The following ANO2 variants were observed in gnomAD, a reference collection of about 807,000 sequenced individuals.
ANO2 encodes anoctamin-2.
Under a neutral mutation model 124.2 loss-of-function variants are expected in ANO2, and 101 were observed. That is an observed-to-expected ratio of 0.81 (90% confidence interval 0.69 to 0.96). ANO2 has a LOEUF of 0.96. Among genes scored for constraint, ANO2 ranks in the 40% least tolerant of loss-of-function variants. The pLI is 0.00. For synonymous variants in ANO2, 486 were observed against 482.5 expected (o/e 1.01, Z -0.09); for missense variants, 1,293 against 1,274.5 (o/e 1.01, Z -0.22).
chr12:5,695,416 T>C (rs1212814805), intron 14 of ANO2, among the ~76,000 whole-genome samples: 1 of 138,564 alleles, frequency 7.2e-6, no homozygotes, highest in Non-Finnish European at 1.6e-5. Flanking sequence ...ACAAAGCAAA[T>C]CTCAAAAGTA....
rs991266762 is a variant in ANO2, at chr12:5,729,886, C to T, written c.1545+2634G>A. Among the ~76,000 whole-genome samples the T allele has an allele frequency of 1.4e-4, 21 of 152,008 alleles. 1 individual carries two copies. Among genetic ancestry groups the T allele is most frequent in the Admixed American group, 1.1e-3 (17 of 15,258 alleles). ...ATGAATGAATCCTAAAAAAATGTTG[C>T]GAAGTGAAAGAAGCTAAGGACCGCA... On this transcript the variant is annotated intron_variant, in intron 14 of 24. Transcript: ENST00000682330.
At chr12:5,923,379 G>A (rs1260581817) in intron 1 of ANO2, among the ~76,000 whole-genome samples, 2 of 152,200 alleles carry the variant, frequency 1.3e-5, no homozygotes, top group African/African-American at 4.8e-5. Flanking sequence ...CATTGAGCAA[G>A]TCAGGGTGGT....
At chr12:5,915,709 G>C (rs997645259) in intron 3 of ANO2, among the ~76,000 whole-genome samples, 17 of 152,148 alleles carry the variant, frequency 1.1e-4, no homozygotes, top group African/African-American at 4.1e-4. Context: ...CCCCATTCCA[G>C]GCTGCTGCTC....
intron 4 of ANO2, among the ~76,000 whole-genome samples, chr12:5,841,585 A>AGCCCCT (rs959028511): frequency 6.6e-6 from 1 of 152,208 alleles, no homozygotes; most frequent in African/African-American, 2.4e-5. Flanking sequence ...CGGCAGCCTC[A>AGCCCCT]GCCCCTGCCC....
chr12:5,588,406 G>A (rs1943231269), intron 20 of ANO2, among the ~76,000 whole-genome samples: 1 of 152,224 alleles, frequency 6.6e-6, no homozygotes, highest in South Asian at 2.1e-4. Context: ...AGGTCTTGAA[G>A]CACGTCTCCC....
At chr12:5,832,391 A>T (rs989928964) in intron 5 of ANO2, 61 bp downstream of exon 5, 1 of 1,595,860 alleles carries the variant, frequency 6.3e-7, no homozygotes, top group African/African-American at 1.3e-5. Flanking sequence ...GTCATAGAAC[A>T]GTATTCAATT....
intron 14 of ANO2, among the ~76,000 whole-genome samples, chr12:5,673,830 T>G (rs1948118089): frequency 6.6e-6 from 1 of 152,206 alleles, no homozygotes; most frequent in Non-Finnish European, 1.5e-5. Context: ...GGGGATCGCA[T>G]GGGTCCTTAT....
chr12:5,844,632 C>G (rs2137238760), intron 4 of ANO2, among the ~76,000 whole-genome samples: 1 of 152,190 alleles, frequency 6.6e-6, no homozygotes, highest in South Asian at 2.1e-4. Context: ...AAGCTGTCAT[C>G]CAGGAATGTG....
chr12:5,702,547 C>T (rs895725245), intron 14 of ANO2, among the ~76,000 whole-genome samples: 2 of 146,934 alleles, frequency 1.4e-5, no homozygotes, highest in African/African-American at 5.0e-5. Flanking sequence ...AGAAAATGCT[C>T]ATTCTTACTG....
intron 14 of ANO2, among the ~76,000 whole-genome samples, chr12:5,669,792 C>A (rs1056979345): frequency 2.6e-5 from 4 of 152,236 alleles, no homozygotes; most frequent in African/African-American, 9.6e-5. Flanking sequence ...GCTCATCACT[C>A]TCCACTCTAT....
At chr12:5,690,982 G>GT (rs1565572558) in intron 14 of ANO2, among the ~76,000 whole-genome samples, 1 of 152,108 alleles carries the variant, frequency 6.6e-6, no homozygotes, top group East Asian at 1.9e-4. Context: ...GTCCAACAGA[G>GT]CCCCCATCTC....
chr12:5,877,249 A>C (rs1938169843), intron 3 of ANO2, among the ~76,000 whole-genome samples: 1 of 152,166 alleles, frequency 6.6e-6, no homozygotes, highest in Non-Finnish European at 1.5e-5. Context: ...AGAAGAAGGC[A>C]ATGTAAAGAT....
intron 22 of ANO2, among the ~76,000 whole-genome samples, chr12:5,577,043 T>C (rs1447805560): frequency 6.6e-6 from 1 of 152,254 alleles, no homozygotes; most frequent in Non-Finnish European, 1.5e-5. Context: ...TTTCGTACTG[T>C]AGATGGAAAG....
At position 5,921,235 on chromosome 12, in the gene ANO2, G is replaced by A. The variant is rs758730056; in HGVS notation, c.339C>T (p.His113=). The change falls in exon 3 of 25, where the codon CAC becomes CAT. Residue 113 remains histidine (H), a synonymous_variant. Coordinates refer to ENST00000682330, the MANE Select transcript of ANO2 (RefSeq NM_001364791.2). ...LAYHYRKRGV[H]LAQGFPGHSL... ...AGTGGCCAGGGAAGCCTTGGGCCAG[G>A]TGCACCCCGCGTTTCCGGTAGTGGT... The A allele has an allele frequency of 1.2e-6, 2 of 1,613,850 alleles. No homozygotes were observed. Among genetic ancestry groups the A allele is most frequent in the Non-Finnish European group, 1.7e-6 (2 of 1,179,880 alleles).
intron 20 of ANO2, among the ~76,000 whole-genome samples, chr12:5,585,938 A>T (rs1943090098): frequency 6.6e-6 from 1 of 152,252 alleles, no homozygotes; most frequent in Non-Finnish European, 1.5e-5. Flanking sequence ...GAGCACAGAA[A>T]AGAGGACAAA....
intron 3 of ANO2, among the ~76,000 whole-genome samples, chr12:5,867,362 C>T (rs1163175367): frequency 1.3e-5 from 2 of 152,112 alleles, no homozygotes; most frequent in African/African-American, 2.4e-5. Context: ...GAACTGTAGT[C>T]CTTAGAAATG....
intron 4 of ANO2, among the ~76,000 whole-genome samples, chr12:5,837,145 T>A (rs1334053062): frequency 6.6e-6 from 1 of 152,108 alleles, no homozygotes; most frequent in Non-Finnish European, 1.5e-5. Context: ...AGGCCTCTGA[T>A]AGGCCAAAAG....
intron 14 of ANO2, among the ~76,000 whole-genome samples, chr12:5,675,198 C>T (rs760002315): frequency 1.3e-5 from 2 of 152,188 alleles, no homozygotes; most frequent in Non-Finnish European, 2.9e-5. Context: ...CTTCCTGCTC[C>T]GTTTCCACAG....
intron 10 of ANO2, among the ~76,000 whole-genome samples, chr12:5,796,097 C>T (rs1477516727): frequency 6.6e-6 from 1 of 152,052 alleles, no homozygotes; most frequent in Non-Finnish European, 1.5e-5. Context: ...CTGCTGGATA[C>T]CTCTCTAGGG....
Sources: allele counts gnomAD v4.1 joint callset (sites outside exome capture counted in the v4.1 genomes callset), GRCh38; gene constraint gnomAD v4.1.1; transcripts MANE v1.5; gene names NCBI Gene and HGNC (gene_info 2026-07-23, HGNC 2026-07-21).